MBD5: variants seen among roughly 807,000 people sequenced by gnomAD.
The protein encoded by MBD5 is methyl-CpG binding domain protein 5, also known as methyl-CpG-binding domain protein 5.
In MBD5, 13 loss-of-function variants were observed where a neutral mutation model predicts 117.3. That is an observed-to-expected ratio of 0.11 (90% CI 0.07 to 0.18). MBD5 has a LOEUF of 0.18. Among genes scored for constraint, MBD5 ranks in the 10% least tolerant of loss-of-function variants. The pLI is 1.00. For synonymous variants in MBD5, 727 were observed against 766.4 expected (o/e 0.95, Z 0.85); for missense variants, 1,879 against 2,093.8 (o/e 0.90, Z 2.00).
intron 3 of MBD5, among the ~76,000 whole-genome samples, chr2:148,321,009 GA>G (rs1702269393): frequency 6.6e-6 from 1 of 151,956 alleles, no homozygotes. Context: ...CATTTTAAAT[GA>G]AGGGAAACTA....
chr2:148,485,143 A>G (rs972088979), intron 9 of MBD5: 2 of 152,182 alleles, frequency 1.3e-5, no homozygotes, highest in African/African-American at 4.8e-5. Context: ...CTGATTATAT[A>G]ATATTTATTT....
At chr2:148,371,964 G>A (rs745580663) in intron 4 of MBD5, among the ~76,000 whole-genome samples, 1 of 152,064 alleles carries the variant, frequency 6.6e-6, no homozygotes, top group Non-Finnish European at 1.5e-5. Flanking sequence ...ACCAAATACT[G>A]TGGTTGAGCT....
intron 2 of MBD5, among the ~76,000 whole-genome samples, chr2:148,183,380 C>A (rs1328198369): frequency 6.6e-6 from 1 of 152,058 alleles, no homozygotes; most frequent in African/African-American, 2.4e-5. Flanking sequence ...GCAGGAAGTT[C>A]ATGGACACAC....
At chr2:148,505,695 G>A (rs994968442) in intron 12 of MBD5, among the ~76,000 whole-genome samples, 3 of 152,130 alleles carry the variant, frequency 2.0e-5, no homozygotes, top group African/African-American at 7.2e-5. Flanking sequence ...CCCATAATGT[G>A]AAAAATTCCT....
At chr2:148,174,293 A>T (rs1698329982) in intron 1 of MBD5, among the ~76,000 whole-genome samples, 2 of 152,192 alleles carry the variant, frequency 1.3e-5, no homozygotes, top group Admixed American at 1.3e-4. Context: ...CTCCATATAC[A>T]AAAATCAACT....
chr2:148,287,781 A>G (rs1304719411), intron 3 of MBD5, among the ~76,000 whole-genome samples: 4 of 151,942 alleles, frequency 2.6e-5, no homozygotes, highest in Non-Finnish European at 4.4e-5. Context: ...TAACAAACTC[A>G]CTCTCACAAT....
intron 4 of MBD5, among the ~76,000 whole-genome samples, chr2:148,389,280 A>G (rs1367778084): frequency 1.2e-4 from 11 of 94,680 alleles, no homozygotes; most frequent in African/African-American, 3.3e-4. Context: ...ATATATATAT[A>G]TATATATATA....
Position 148,021,481 on chromosome 2 carries a change from T to TTGCTGCTGCTGCTGC in MBD5, c.-1126_-1112dup, listed in dbSNP as rs773118482. 24 of 573,530 alleles carry TTGCTGCTGCTGCTGC rather than the reference T, an allele frequency of 4.2e-5. 3 individuals carry two copies. Among genetic ancestry groups the TTGCTGCTGCTGCTGC allele is most frequent in the Admixed American group, 1.7e-4 (8 of 46,162 alleles). The allele number at this position is 573,530 out of a possible 1,614,324, so 35.5% of individuals were successfully genotyped here. A position where few individuals can be genotyped will look rare whatever the true frequency, so the allele number is the denominator to read the frequency against. ...GCTGCTGTTGCTGCTGCTGCTGCTG[T>TTGCTGCTGCTGCTGC]TGCTGCTGCTGCTGCTACTGCTGCT... is the stretch of plus-strand genomic sequence containing the variant. On this transcript the variant is annotated 5_prime_UTR_variant, in exon 1 of 14. Transcript: ENST00000642680.
chr2:148,513,073 G>A lies in MBD5; in HGVS notation c.*132G>A, dbSNP rs2105295887. ...CAGATAGCTACCACCACCACAGGGT[G>A]CTAAAAGAAACAGTGATACAAAATT... On this transcript the variant is annotated 3_prime_UTR_variant, in exon 14 of 14. Transcript: ENST00000642680. 2 of 934,994 alleles carry A rather than the reference G, an allele frequency of 2.1e-6. No homozygotes were observed. The highest frequency in any genetic ancestry group is 1.7e-6 in the Non-Finnish European group (1 of 602,736). The allele number at this position is 934,994 out of a possible 1,614,324, so 57.9% of individuals were successfully genotyped here.
In MBD5 at chr2:148,489,844, CCAT is replaced by C; in HGVS notation, c.4213_4215del (p.His1405del). 6.2e-7 allele frequency: 1 copy of C among 1,613,920 alleles called. No homozygotes were observed. The highest frequency in any genetic ancestry group is 1.1e-5 in the South Asian group (1 of 91,056). The stretch of plus-strand genomic sequence containing the variant: ...GGGCTCGGCTGCCCAAGAATCTAGA[CCAT>C]GGGAAAAATGTGAACGAAGGAGATG... On this transcript the variant is annotated inframe_deletion, in exon 11 of 14. Coordinates refer to ENST00000642680, the MANE Select transcript of MBD5 (RefSeq NM_001378120.1).
intron 3 of MBD5, among the ~76,000 whole-genome samples, chr2:148,290,405 A>G (rs1701474762): frequency 6.6e-6 from 1 of 152,066 alleles, no homozygotes; most frequent in African/African-American, 2.4e-5. Context: ...TAGGAATTTC[A>G]GAATAAAAAA....
chr2:148,412,268 C>CTTTTTTTTT (rs1191831742), intron 4 of MBD5, among the ~76,000 whole-genome samples: 1 of 92,982 alleles, frequency 1.1e-5, no homozygotes, highest in African/African-American at 5.4e-5. Context: ...TTGTAGTATA[C>CTTTTTTTTT]TTTTTGTGTG....
At chr2:148,252,498 T>C (rs200615052) in intron 3 of MBD5, among the ~76,000 whole-genome samples, 26 of 90,456 alleles carry the variant, frequency 2.9e-4, no homozygotes, top group Non-Finnish European at 6.8e-4. Context: ...TACAGACTCA[T>C]ATTCTAGTTA....
At chr2:148,386,101 A>G (rs1030337099) in intron 4 of MBD5, among the ~76,000 whole-genome samples, 3 of 152,088 alleles carry the variant, frequency 2.0e-5, no homozygotes, top group African/African-American at 7.2e-5. Flanking sequence ...CCTAAAACTT[A>G]AAGTATAATA....
intron 1 of MBD5, among the ~76,000 whole-genome samples, chr2:148,173,193 C>T (rs1698304295): frequency 6.6e-6 from 1 of 152,188 alleles, no homozygotes; most frequent in South Asian, 2.1e-4. Flanking sequence ...GGAGCCCAAA[C>T]CAGGGGGCTC....
At chr2:148,039,821 C>G (rs533289247) in intron 1 of MBD5, among the ~76,000 whole-genome samples, 3 of 137,260 alleles carry the variant, frequency 2.2e-5, no homozygotes, top group Admixed American at 1.5e-4. Context: ...ATCAGTTAAC[C>G]ACAAGGGTAC....
chr2:148,443,122 T>C (rs1318004142), intron 4 of MBD5, among the ~76,000 whole-genome samples: 2 of 151,394 alleles, frequency 1.3e-5, no homozygotes, highest in East Asian at 3.9e-4. Flanking sequence ...GTCATATAAG[T>C]GGCAAACAGG....
Position 148,092,060 on chromosome 2 carries a change from C to T in MBD5, c.-925+70376C>T, listed in dbSNP as rs138187162. Among the ~76,000 whole-genome samples, 492 of 152,226 alleles carry T rather than the reference C, an allele frequency of 3.2e-3. 2 individuals carry two copies. The highest frequency in any genetic ancestry group is 5.9e-3 in the Non-Finnish European group (398 of 67,994). On this transcript the variant is annotated intron_variant, in intron 1 of 13. Transcript: ENST00000642680. Reference sequence around the variant, plus strand: ...AATGGCCAATAAACATGGAAAAATGCTCAGCATCACTTATTATCAGGTAAA... The same window carrying T: ...AATGGCCAATAAACATGGAAAAATGTTCAGCATCACTTATTATCAGGTAAA...
In MBD5 at chr2:148,288,303, G is replaced by A. The variant is rs1178661840; in HGVS notation, c.-679-53911G>A. Reference sequence around the variant, plus strand: ...TAGTCCCAGCTACTTGGGAGGCTGAGGCAGGAGAATGGCGTGAACCCGGGA... The same window carrying A: ...TAGTCCCAGCTACTTGGGAGGCTGAAGCAGGAGAATGGCGTGAACCCGGGA... On this transcript the variant is annotated intron_variant, in intron 3 of 13. Coordinates refer to ENST00000642680, the MANE Select transcript of MBD5 (RefSeq NM_001378120.1). 2.3e-4 allele frequency among the ~76,000 whole-genome samples: 26 copies of A among 113,286 alleles called. 1 individual carries two copies. Among genetic ancestry groups the A allele is most frequent in the African/African-American group, 7.8e-4 (25 of 32,226 alleles). 74.3% of individuals were successfully genotyped at this position (113,286 alleles called of 152,430 possible). A position where few individuals can be genotyped will look rare whatever the true frequency, so the allele number is the denominator to read the frequency against.
Sources: gnomAD v4.1 joint callset for allele counts (sites outside exome capture counted in the v4.1 genomes callset) on GRCh38, gnomAD v4.1.1 for gene constraint, MANE v1.5 for transcripts, NCBI Gene and HGNC (gene_info 2026-07-23, HGNC 2026-07-21) for gene names.